The following ERCC6 variants were observed in gnomAD, a reference collection of about 807,000 sequenced individuals.
ERCC6 encodes DNA excision repair protein ERCC-6.
Under a neutral mutation model 158.7 loss-of-function variants are expected in ERCC6, and 116 were observed. The ratio of observed to expected loss-of-function variants is 0.73; its 90% confidence interval spans 0.63 to 0.85. ERCC6 has a LOEUF of 0.85. ERCC6 is among the 40% of genes least tolerant of loss of function. The pLI is 0.00. For synonymous variants in ERCC6, 678 were observed against 659.3 expected, an observed-to-expected ratio of 1.03 and a Z score of -0.43; for missense variants, 1,698 against 1,799.4, an observed-to-expected ratio of 0.94 and a Z score of 1.02.
At chr10:49,498,910 A>G (rs188201328) in intron 7 of ERCC6, among the ~76,000 whole-genome samples, 1 of 152,368 alleles carries the variant, frequency 6.6e-6, no homozygotes, top group East Asian at 1.9e-4. Context: ...AAGGAAAGAA[A>G]GAGTCCTAGA....
At chr10:49,504,777 TCTA>T (rs1462140147) in intron 6 of ERCC6, 52 of 152,284 alleles carry the variant, frequency 3.4e-4, no homozygotes, top group African/African-American at 1.1e-3. Context: ...GATTTCAACT[TCTA>T]CACGGCTGTT....
intron 11 of ERCC6, among the ~76,000 whole-genome samples, chr10:49,477,033 T>A (rs905915539): frequency 1.3e-5 from 2 of 152,106 alleles, no homozygotes; most frequent in Non-Finnish European, 2.9e-5. Flanking sequence ...CATGGCAGCA[T>A]CCTGCCATGG....
At chr10:49,484,917 A>C (rs1564424513) in intron 8 of ERCC6, among the ~76,000 whole-genome samples, 1 of 152,238 alleles carries the variant, frequency 6.6e-6, no homozygotes. Flanking sequence ...TCTAAGAAGG[A>C]AAAGTGGTGA....
intron 3 of ERCC6, among the ~76,000 whole-genome samples, chr10:49,529,499 T>C (rs1324971789): frequency 6.6e-6 from 1 of 152,146 alleles, no homozygotes; most frequent in African/African-American, 2.4e-5. Context: ...TTTCACATGC[T>C]CCCACAAGAG....
chr10:49,509,731 C>T (rs1055142668), intron 5 of ERCC6, among the ~76,000 whole-genome samples: 2 of 152,090 alleles, frequency 1.3e-5, no homozygotes, highest in African/African-American at 2.4e-5. Flanking sequence ...CTCAAAATGT[C>T]TAAATTCTGT....
chr10:49,534,133 CAA>C (rs746772551), intron 1 of ERCC6, among the ~76,000 whole-genome samples: 46 of 60,314 alleles, frequency 7.6e-4, no homozygotes, highest in Middle Eastern at 0.013. Flanking sequence ...GACTCAATCT[CAA>C]AAAAAAAAAA....
At chr10:49,473,732 TAA>T (rs2132541367) in intron 13 of ERCC6, 145 bp from the exon 14 acceptor site, 2 of 719,196 alleles carry the variant, frequency 2.8e-6, no homozygotes, top group Non-Finnish European at 5.1e-6. Context: ...ACAGAACTGT[TAA>T]AAGAGTATTT....
chr10:49,534,146 A>AC (rs1230217626), intron 1 of ERCC6, among the ~76,000 whole-genome samples: 8 of 148,762 alleles, frequency 5.4e-5, no homozygotes, highest in Admixed American at 6.7e-5. Flanking sequence ...AAAAAAAAAA[A>AC]AAAAAAAACA....
At chr10:49,465,307 G>A (rs1468203293) in intron 18 of ERCC6, among the ~76,000 whole-genome samples, 1 of 152,204 alleles carries the variant, frequency 6.6e-6, no homozygotes, top group Non-Finnish European at 1.5e-5. Context: ...ATTTGGAATG[G>A]CTGTACTTAC....
intron 5 of ERCC6, among the ~76,000 whole-genome samples, chr10:49,514,130 CT>C (rs1234577709): frequency 6.6e-6 from 1 of 152,026 alleles, no homozygotes; most frequent in Non-Finnish European, 1.5e-5. Context: ...CAAATGTTGT[CT>C]TAAAAAAACA....
intron 12 of ERCC6, 124 bp from the exon 13 acceptor site, chr10:49,474,366 C>T: frequency 1.4e-6 from 1 of 730,534 alleles, no homozygotes; most frequent in South Asian, 1.5e-5. Flanking sequence ...TTCTTAGTTT[C>T]TTCTCTAGTC....
intron 10 of ERCC6, among the ~76,000 whole-genome samples, chr10:49,479,352 T>C (rs540344268): frequency 2.0e-4 from 31 of 152,248 alleles, no homozygotes; most frequent in African/African-American, 7.0e-4. Flanking sequence ...AATTAACTTG[T>C]TAAAAAATGT....
chr10:49,511,537 G>C (rs1404399808), intron 5 of ERCC6, among the ~76,000 whole-genome samples: 3 of 151,728 alleles, frequency 2.0e-5, no homozygotes, highest in African/African-American at 4.8e-5. Flanking sequence ...CAATCCTTGT[G>C]CCTCAGCCTC....
intron 5 of ERCC6, chr10:49,515,354 G>T: frequency 1.2e-6 from 2 of 1,611,516 alleles, no homozygotes; most frequent in Non-Finnish European, 8.5e-7. Context: ...GATATTCAAC[G>T]GAACACTTCA....
downstream of ERCC6, among the ~76,000 whole-genome samples, chr10:49,454,416 G>A (rs1850454269): frequency 1.3e-5 from 2 of 152,180 alleles, no homozygotes; most frequent in African/African-American, 4.8e-5. Context: ...GAAATGGGAG[G>A]GAGGGAGTGA....
chr10:49,498,673 GTTAA>G (rs1237876795), intron 7 of ERCC6, among the ~76,000 whole-genome samples: 1 of 152,204 alleles, frequency 6.6e-6, no homozygotes, highest in Non-Finnish European at 1.5e-5. Flanking sequence ...AGCATTGATA[GTTAA>G]TTGATTACAG....
rs1297162137 is a variant in ERCC6 at position 49,461,445 on chromosome 10, A to G, written c.3890T>C (p.Leu1297Pro). The change falls in exon 19 of 21, where the codon CTG becomes CCG. Residue 1297 changes from leucine (L) to proline (P), a missense_variant. Coordinates refer to ENST00000355832, the MANE Select transcript of ERCC6 (RefSeq NM_000124.4). ...NRVAQDALKALRLSRQRCLGA... is the reference protein window; with the variant it reads ...NRVAQDALKAPRLSRQRCLGA... Reference sequence around the variant, plus strand: ...CAGACACCGCTGACGAGAGAGCCTCAGTGCTTTCAGGGCATCCTGGGCCAC... The same window carrying G: ...CAGACACCGCTGACGAGAGAGCCTCGGTGCTTTCAGGGCATCCTGGGCCAC... The G allele has an allele frequency of 1.2e-6, 2 of 1,614,092 alleles. No homozygotes were observed. The highest frequency in any genetic ancestry group is 1.3e-5 in the African/African-American group (1 of 74,932).
At chr10:49,475,908 C>T (rs536089091) in intron 12 of ERCC6, among the ~76,000 whole-genome samples, 17 of 152,308 alleles carry the variant, frequency 1.1e-4, no homozygotes, top group Admixed American at 3.3e-4. Flanking sequence ...ACCTGACACC[C>T]GCCCACCTAC....
intron 14 of ERCC6, 100 bp downstream of exon 14, chr10:49,473,377 T>C (rs915424471): frequency 1.3e-5 from 11 of 875,682 alleles, no homozygotes; most frequent in South Asian, 2.6e-5. Flanking sequence ...CAAGCCCAGA[T>C]GTCAATGCTG....
Sources: allele counts gnomAD v4.1 joint callset (sites outside exome capture counted in the v4.1 genomes callset), GRCh38; gene constraint gnomAD v4.1.1; transcripts MANE v1.5; gene names NCBI Gene and HGNC (gene_info 2026-07-23, HGNC 2026-07-21).